CNBD1: variants seen among roughly 807,000 people sequenced by gnomAD.
The protein encoded by CNBD1 is cyclic nucleotide binding domain containing 1.
In CNBD1, 71 loss-of-function variants were observed where a neutral mutation model predicts 54.4. That is an observed-to-expected ratio of 1.30 (90% CI 1.08 to 1.59). The LOEUF (loss-of-function observed/expected upper bound fraction) is 1.59, where lower values mean the gene tolerates loss of function less well. CNBD1 is among the 40% of genes most tolerant of loss of function. The pLI is 0.00. For missense variants in CNBD1, 659 were observed against 518.0 expected (o/e 1.27, Z -2.64); for synonymous variants, 182 against 170.7 (o/e 1.07, Z -0.51).
chr8:86,875,958 C>A (rs961678268), intron 1 of CNBD1, among the ~76,000 whole-genome samples: 1 of 152,082 alleles, frequency 6.6e-6, no homozygotes, highest in Admixed American at 6.6e-5. Flanking sequence ...ACTATACCCT[C>A]GTATATATTT....
intron 4 of CNBD1, among the ~76,000 whole-genome samples, chr8:87,089,277 G>C (rs1255377462): frequency 6.6e-6 from 1 of 152,044 alleles, no homozygotes. Flanking sequence ...GAGCTTGAGA[G>C]CTCATAGTCA....
chr8:86,900,925 T>C (rs1213912733), intron 2 of CNBD1, among the ~76,000 whole-genome samples: 1 of 152,178 alleles, frequency 6.6e-6, no homozygotes, highest in East Asian at 1.9e-4. Flanking sequence ...TTAATCTTAA[T>C]ATTTAATTGC....
At chr8:86,909,659 C>T (rs1466841531) in intron 3 of CNBD1, among the ~76,000 whole-genome samples, 1 of 152,136 alleles carries the variant, frequency 6.6e-6, no homozygotes, top group Admixed American at 6.5e-5. Flanking sequence ...TAAACTGCAG[C>T]TCAATCTGTT....
At chr8:87,222,924 C>T (rs953654880) in intron 5 of CNBD1, among the ~76,000 whole-genome samples, 4 of 152,022 alleles carry the variant, frequency 2.6e-5, no homozygotes, top group Admixed American at 6.6e-5. Flanking sequence ...GTAATAGAAA[C>T]TAGGTATATA....
chr8:87,359,414 G>GT lies in CNBD1; in HGVS notation c.1303+5634dup, dbSNP rs543223665. Among the ~76,000 whole-genome samples the GT allele has an allele frequency of 3.4e-4, 52 of 152,002 alleles. No individual in the cohort carries two copies. The East Asian group carries it at 5.4e-3, about 16-fold the overall frequency. ...TGTGCTTGAGGACTAGATTTTGCTT[G>GT]TTTTTTCAAAATTTACAAGGAAATA... On this transcript the variant is annotated intron_variant, in intron 10 of 10. Transcript: ENST00000518476.
At chr8:87,081,553 T>C (rs1241898642) in intron 4 of CNBD1, among the ~76,000 whole-genome samples, 4 of 151,084 alleles carry the variant, frequency 2.6e-5, no homozygotes, top group Non-Finnish European at 5.9e-5. Context: ...GCCTCCAGGC[T>C]GGAGTGCAGT....
intron 7 of CNBD1, among the ~76,000 whole-genome samples, chr8:87,285,461 G>T (rs1000201858): frequency 1.3e-4 from 20 of 152,202 alleles, no homozygotes; most frequent in Admixed American, 9.8e-4. Flanking sequence ...ATTGAGGCTA[G>T]GGGCGGTGGC....
chr8:87,411,051 A>C (rs1002948130), intron 2 of CNBD1, among the ~76,000 whole-genome samples: 1 of 152,028 alleles, frequency 6.6e-6, no homozygotes, highest in Non-Finnish European at 1.5e-5. Flanking sequence ...TGCTTTGGGA[A>C]ACCAAAATTT....
At chr8:87,194,867 G>T (rs2943173) in intron 4 of CNBD1, among the ~76,000 whole-genome samples, 119,938 of 151,402 alleles carry the variant, frequency 0.79, 48,662 homozygotes, top group African/African-American at 0.95. Flanking sequence ...GTCTTTTTTT[G>T]TTGTTTTTTG....
intron 4 of CNBD1, among the ~76,000 whole-genome samples, chr8:86,998,729 T>C (rs1808932291): frequency 6.6e-6 from 1 of 152,212 alleles, no homozygotes; most frequent in South Asian, 2.1e-4. Flanking sequence ...ATCTTTTGAA[T>C]GATTTGGAAA....
intron 4 of CNBD1, among the ~76,000 whole-genome samples, chr8:87,190,015 T>C (rs1250356175): frequency 6.6e-6 from 1 of 152,164 alleles, no homozygotes; most frequent in East Asian, 1.9e-4. Context: ...TTTTTAACAG[T>C]TTTAAATAAT....
In CNBD1 at chr8:87,134,436, A is replaced by G. The variant is rs533707379; in HGVS notation, c.432-71557A>G. On this transcript the variant is annotated intron_variant, in intron 4 of 10. Transcript: ENST00000518476. ...TTCAGTTGCTTTGTTTCTTAATATA[A>G]CTTTTATTGTTAAGTTCTGCGTTTC... 8.5e-5 allele frequency among the ~76,000 whole-genome samples: 13 copies of G among 152,112 alleles called. No homozygotes were observed. The South Asian group carries it at 2.7e-3, about 32-fold the overall frequency.
intron 4 of CNBD1, among the ~76,000 whole-genome samples, chr8:87,158,836 G>T (rs147395210): frequency 2.6e-5 from 4 of 152,214 alleles, no homozygotes; most frequent in African/African-American, 9.6e-5. Flanking sequence ...CAGCAAGCAA[G>T]AACTAAAACA....
chr8:87,284,884 T>G, intron 7 of CNBD1, 69 bp downstream of exon 7: 2 of 1,129,710 alleles, frequency 1.8e-6, no homozygotes, highest in Non-Finnish European at 2.5e-6. Flanking sequence ...TTTGATTCTC[T>G]AGACAAAGAC....
intron 4 of CNBD1, among the ~76,000 whole-genome samples, chr8:87,011,445 CT>C (rs1195877153): frequency 6.6e-6 from 1 of 151,828 alleles, no homozygotes; most frequent in Non-Finnish European, 1.5e-5. Context: ...AAAATATTGT[CT>C]TTTGTTTATT....
chr8:86,955,094 T>A (rs993159336), intron 4 of CNBD1, among the ~76,000 whole-genome samples: 2 of 151,876 alleles, frequency 1.3e-5, no homozygotes, highest in African/African-American at 4.8e-5. Flanking sequence ...TTTGGTGTTC[T>A]GTCCTTGCAA....
intron 3 of CNBD1, among the ~76,000 whole-genome samples, chr8:86,919,782 A>C (rs1397775360): frequency 1.3e-5 from 2 of 152,216 alleles, no homozygotes; most frequent in Non-Finnish European, 2.9e-5. Context: ...CTTTGCTGTC[A>C]AAGTGACTTT....
At chr8:86,953,009 G>A (rs547297712) in intron 4 of CNBD1, among the ~76,000 whole-genome samples, 14 of 152,204 alleles carry the variant, frequency 9.2e-5, no homozygotes, top group East Asian at 5.8e-4. Flanking sequence ...TTAGTCTAGC[G>A]TTTTTCACTC....
intron 8 of CNBD1, among the ~76,000 whole-genome samples, chr8:87,351,296 A>G (rs1810286186): frequency 6.6e-6 from 1 of 152,124 alleles, no homozygotes; most frequent in Admixed American, 6.5e-5. Context: ...AATATTTATC[A>G]ATATTGTGGG....
Sources: allele counts gnomAD v4.1 joint callset (sites outside exome capture counted in the v4.1 genomes callset), GRCh38; gene constraint gnomAD v4.1.1; transcripts MANE v1.5; gene names NCBI Gene and HGNC (gene_info 2026-07-23, HGNC 2026-07-21).